The following COL6A6 variants were observed in gnomAD, a reference collection of about 807,000 sequenced individuals.
The protein encoded by COL6A6 is collagen alpha-6(VI) chain.
A neutral mutation model predicts 208.6 loss-of-function variants in COL6A6; 183 were observed. The observed-to-expected ratio is 0.88, with a 90% CI of 0.78 to 0.99. COL6A6 has a LOEUF of 0.99. Ranked by LOEUF, COL6A6 falls within the 50% of genes least tolerant of loss-of-function variation. The pLI is 0.00. For synonymous variants in COL6A6, 973 were observed against 1,011.8 expected (o/e 0.96, Z 0.73); for missense variants, 2,816 against 2,815.2 (o/e 1.00, Z -0.01).
chr3:130,584,772 A>G (rs2063499371), intron 10 of COL6A6, among the ~76,000 whole-genome samples: 1 of 151,344 alleles, frequency 6.6e-6, no homozygotes, highest in Non-Finnish European at 1.5e-5. Flanking sequence ...CTGCCACCAC[A>G]CCCGGCTAAT....
Position 130,563,461 on chromosome 3 carries a change from C to A in COL6A6, c.458C>A (p.Ala153Asp). 2 of 1,613,996 alleles carry A rather than the reference C, an allele frequency of 1.2e-6. No individual in the cohort carries two copies. The highest frequency in any genetic ancestry group is 8.5e-7 in the Non-Finnish European group (1 of 1,179,904). The change falls in exon 3 of 37, where the codon GCC (alanine) becomes GAC (aspartate). Residue 153 changes from alanine (A) to aspartate (D), a missense_variant. Coordinates refer to ENST00000358511, the MANE Select transcript of COL6A6 (RefSeq NM_001102608.3). ...SEDNVEEASK[A>D]LRKDGVKIIS... ...GATAATGTGGAAGAGGCATCAAAGGCCCTGCGGAAAGACGGAGTGAAAATC... is the reference window on the plus strand; with the variant it reads ...GATAATGTGGAAGAGGCATCAAAGGACCTGCGGAAAGACGGAGTGAAAATC...
intron 1 of COL6A6, among the ~76,000 whole-genome samples, chr3:130,550,946 G>A (rs922419034): frequency 3.3e-5 from 5 of 152,186 alleles, no homozygotes; most frequent in African/African-American, 7.2e-5. Context: ...AGTTCTGTTT[G>A]TGTGATGAAT....
intron 19 of COL6A6, 116 bp from the exon 20 acceptor site, chr3:130,599,641 A>G: frequency 1.1e-6 from 1 of 940,406 alleles, no homozygotes; most frequent in Non-Finnish European, 1.7e-6. Flanking sequence ...AGGAAAGGTA[A>G]CTCTCTCATT....
chr3:130,664,084 G>A (rs1259114856), intron 35 of COL6A6, among the ~76,000 whole-genome samples: 1 of 152,154 alleles, frequency 6.6e-6, no homozygotes, highest in Non-Finnish European at 1.5e-5. Flanking sequence ...CTGGTCTTCT[G>A]GTCTAGCTCC....
At chr3:130,557,207 G>A (rs1476130453) in intron 1 of COL6A6, among the ~76,000 whole-genome samples, 1 of 152,138 alleles carries the variant, frequency 6.6e-6, no homozygotes, top group African/African-American at 2.4e-5. Context: ...TTTATAAAGT[G>A]GCAAGTTCAC....
chr3:130,647,603 C>A (rs1309135610), intron 32 of COL6A6, among the ~76,000 whole-genome samples: 1 of 152,172 alleles, frequency 6.6e-6, no homozygotes, highest in Non-Finnish European at 1.5e-5. Flanking sequence ...ACTTCTTTTG[C>A]CTTTGAAGGA....
At chr3:130,554,848 G>C (rs2062731614) in intron 1 of COL6A6, among the ~76,000 whole-genome samples, 1 of 152,106 alleles carries the variant, frequency 6.6e-6, no homozygotes, top group Non-Finnish European at 1.5e-5. Flanking sequence ...AGTGTATATT[G>C]GCAGGGACTG....
At chr3:130,646,941 T>C (rs116152368) in intron 32 of COL6A6, among the ~76,000 whole-genome samples, 3,789 of 152,268 alleles carry the variant, frequency 0.025, 127 homozygotes, top group African/African-American at 0.078. Flanking sequence ...GCCAAAGGCC[T>C]AGTTTAGAGA....
In COL6A6 at chr3:130,627,373, A is replaced by C; in HGVS notation, c.4992+4A>C. On this transcript the variant is annotated splice_donor_region_variant and intron_variant, in intron 26 of 36. Coordinates refer to ENST00000358511, the MANE Select transcript of COL6A6 (RefSeq NM_001102608.3). ...TGTCGGACGCAAGGGAGCAAAGGTA[A>C]GTCAAGTCTGCTGGAAGCTGGACGT... The C allele has an allele frequency of 6.2e-7, 1 of 1,613,560 alleles. No individual in the cohort carries two copies. The highest frequency in any genetic ancestry group is 8.5e-7 in the Non-Finnish European group (1 of 1,179,494).
chr3:130,673,217 C>CAAAAAAAAA (rs1211498711), intron 36 of COL6A6, among the ~76,000 whole-genome samples: 3 of 57,566 alleles, frequency 5.2e-5, no homozygotes, highest in Non-Finnish European at 5.7e-5. Context: ...ACAAAAAAAA[C>CAAAAAAAAA]AAAAAAAAAA....
chr3:130,631,189 A>G (rs1469271346), intron 26 of COL6A6, among the ~76,000 whole-genome samples: 2 of 59,496 alleles, frequency 3.4e-5, no homozygotes, highest in Non-Finnish European at 5.1e-5. Flanking sequence ...AGAATCAAAT[A>G]GACACAATAA....
chr3:130,548,772 G>C (rs1310293755), intron 1 of COL6A6, among the ~76,000 whole-genome samples: 1 of 152,204 alleles, frequency 6.6e-6, no homozygotes, highest in Non-Finnish European at 1.5e-5. Flanking sequence ...TTTGTCAATT[G>C]CAGTTCAGGT....
At chr3:130,612,539 T>C (rs979703100) in intron 23 of COL6A6, among the ~76,000 whole-genome samples, 1 of 152,226 alleles carries the variant, frequency 6.6e-6, no homozygotes, top group Non-Finnish European at 1.5e-5. Flanking sequence ...TTTTAAATAA[T>C]ACAAAACTGC....
In COL6A6 at chr3:130,598,474, GC is replaced by G. The variant is rs1560046831; in HGVS notation, c.4599+45del. The G allele has an allele frequency of 9.2e-6, 12 of 1,300,004 alleles. 1 individual carries two copies. The Admixed American group carries it at 2.5e-4, about 27-fold the overall frequency. The allele number at this position is 1,300,004 out of a possible 1,614,324, so 80.5% of individuals were successfully genotyped here. A position where few individuals can be genotyped will look rare whatever the true frequency, so the allele number is the denominator to read the frequency against. On this transcript the variant is annotated intron_variant, in intron 19 of 36. Coordinates refer to ENST00000358511, the MANE Select transcript of COL6A6 (RefSeq NM_001102608.3). ...AAAATCGTGATGCAACAACTGTGGGGCTTAAGTTCTTGTTGGTAGAATGTGA... is the reference window on the plus strand; with the variant it reads ...AAAATCGTGATGCAACAACTGTGGGGTTAAGTTCTTGTTGGTAGAATGTGA...
At chr3:130,642,769 G>A in intron 29 of COL6A6, 63 bp from the exon 30 acceptor site, 4 of 1,438,860 alleles carry the variant, frequency 2.8e-6, no homozygotes, top group Admixed American at 2.0e-5. Flanking sequence ...CAATGTTGGT[G>A]CACACTGGCT....
At chr3:130,610,574 C>A (rs2064325252) in intron 22 of COL6A6, 75 bp from the exon 23 acceptor site, 2 of 1,093,486 alleles carry the variant, frequency 1.8e-6, no homozygotes, top group South Asian at 1.4e-5. Flanking sequence ...CTTAGTATTT[C>A]TACTTGTAAT....
chr3:130,584,908 C>A (rs963154382), intron 10 of COL6A6, among the ~76,000 whole-genome samples: 17 of 152,114 alleles, frequency 1.1e-4, no homozygotes, highest in African/African-American at 4.1e-4. Context: ...GCCACCGCAC[C>A]CGGCCTCTTT....
In COL6A6 at chr3:130,594,356, G is replaced by T; in HGVS notation, c.4533+13G>T. ...GCGAGGGGATCCCGTAAGTGCACGG[G>T]CTGCAAACTGGAGTTAGGGCTTGAT... On this transcript the variant is annotated intron_variant, in intron 18 of 36. Coordinates refer to ENST00000358511, the MANE Select transcript of COL6A6 (RefSeq NM_001102608.3). The T allele has an allele frequency of 6.2e-7, 1 of 1,608,372 alleles. No homozygotes were observed. Among genetic ancestry groups the T allele is most frequent in the Non-Finnish European group, 8.5e-7 (1 of 1,176,786 alleles).
At chr3:130,595,224 A>G (rs1400148111) in intron 18 of COL6A6, among the ~76,000 whole-genome samples, 1 of 152,188 alleles carries the variant, frequency 6.6e-6, no homozygotes, top group African/African-American at 2.4e-5. Context: ...GGAATATGCC[A>G]AGTCCGATAG....
Sources: gnomAD v4.1 joint callset for allele counts (sites outside exome capture counted in the v4.1 genomes callset) on GRCh38, gnomAD v4.1.1 for gene constraint, MANE v1.5 for transcripts, NCBI Gene and HGNC (gene_info 2026-07-23, HGNC 2026-07-21) for gene names.